FIGN: variants seen among roughly 807,000 people sequenced by gnomAD.
The protein encoded by FIGN is fidgetin.
Under a neutral mutation model 51.3 loss-of-function variants are expected in FIGN, and 11 were observed. The observed-to-expected ratio is 0.21, with a 90% CI of 0.13 to 0.35. The LOEUF (loss-of-function observed/expected upper bound fraction) is 0.35, where lower values mean the gene tolerates loss of function less well. FIGN is among the 10% of genes least tolerant of loss of function. FIGN has a pLI of 1.00. For synonymous variants in FIGN, 407 were observed against 363.2 expected, an observed-to-expected ratio of 1.12 and a Z score of -1.37; for missense variants, 857 against 943.6, an observed-to-expected ratio of 0.91 and a Z score of 1.20.
chr2:163,706,968 C>A (rs961792300), intron 2 of FIGN, among the ~76,000 whole-genome samples: 1 of 152,182 alleles, frequency 6.6e-6, no homozygotes, highest in Non-Finnish European at 1.5e-5. Context: ...TCAGTTACAT[C>A]TGGAAGGAGA....
At chr2:163,695,109 T>C (rs1002060209) in intron 2 of FIGN, among the ~76,000 whole-genome samples, 1 of 152,234 alleles carries the variant, frequency 6.6e-6, no homozygotes, top group African/African-American at 2.4e-5. Context: ...ATTTTCAGAA[T>C]GTCCAAACTT....
intron 2 of FIGN, among the ~76,000 whole-genome samples, chr2:163,676,167 T>C (rs997253882): frequency 2.0e-5 from 3 of 151,682 alleles, no homozygotes; most frequent in Non-Finnish European, 4.4e-5. Context: ...ATTCCTTTTT[T>C]TGCTTAAATT....
chr2:163,683,352 C>T (rs1259919897), intron 2 of FIGN, among the ~76,000 whole-genome samples: 2 of 152,090 alleles, frequency 1.3e-5, no homozygotes, highest in Admixed American at 1.3e-4. Flanking sequence ...AGTGAAATGA[C>T]AAAATTGTTG....
intron 2 of FIGN, among the ~76,000 whole-genome samples, chr2:163,624,008 G>A (rs536445737): frequency 1.7e-4 from 26 of 152,008 alleles, no homozygotes; most frequent in African/African-American, 5.8e-4. Flanking sequence ...TCACTTAAAG[G>A]CTTTTTACAT....
intron 2 of FIGN, among the ~76,000 whole-genome samples, chr2:163,701,290 G>A (rs1684403858): frequency 6.6e-6 from 1 of 152,112 alleles, no homozygotes; most frequent in Admixed American, 6.6e-5. Flanking sequence ...GAAAGTAATG[G>A]ATATAAAGGT....
chr2:163,725,482 T>A (rs1396315764), intron 2 of FIGN, among the ~76,000 whole-genome samples: 1 of 152,054 alleles, frequency 6.6e-6, no homozygotes, highest in African/African-American at 2.4e-5. Context: ...TGCATTCCAA[T>A]CATATATCAG....
intron 2 of FIGN, among the ~76,000 whole-genome samples, chr2:163,653,890 G>GA (rs1233180189): frequency 1.3e-5 from 2 of 152,018 alleles, no homozygotes; most frequent in African/African-American, 4.8e-5. Context: ...AAAAATAACA[G>GA]AAAAGCAATA....
intron 2 of FIGN, among the ~76,000 whole-genome samples, chr2:163,684,493 C>A (rs902717802): frequency 6.6e-6 from 1 of 152,196 alleles, no homozygotes; most frequent in Non-Finnish European, 1.5e-5. Flanking sequence ...TCAGGTAACA[C>A]GTCCAAGTCC....
At chr2:163,673,113 A>T (rs187418335) in intron 2 of FIGN, among the ~76,000 whole-genome samples, 1 of 152,212 alleles carries the variant, frequency 6.6e-6, no homozygotes, top group Non-Finnish European at 1.5e-5. Context: ...ATAAAAAGAC[A>T]TCCCTTATTT....
chr2:163,662,102 A>T (rs1040790069), intron 2 of FIGN, among the ~76,000 whole-genome samples: 1 of 152,124 alleles, frequency 6.6e-6, no homozygotes, highest in Non-Finnish European at 1.5e-5. Context: ...TTTCTTAGAG[A>T]CTTGTTGAAT....
At chr2:163,703,386 T>G (rs1573960798) in intron 2 of FIGN, among the ~76,000 whole-genome samples, 1 of 152,232 alleles carries the variant, frequency 6.6e-6, no homozygotes, top group South Asian at 2.1e-4. Context: ...AATGGTTACT[T>G]TAAAAGGAAG....
chr2:163,634,688 T>C (rs1266846644), intron 2 of FIGN, among the ~76,000 whole-genome samples: 1 of 152,228 alleles, frequency 6.6e-6, no homozygotes, highest in Admixed American at 6.5e-5. Context: ...ACATGAATCC[T>C]CTATAGCATA....
intron 2 of FIGN, among the ~76,000 whole-genome samples, chr2:163,612,142 A>C (rs2105300062): frequency 6.6e-6 from 1 of 152,338 alleles, no homozygotes; most frequent in Admixed American, 6.5e-5. Flanking sequence ...ATATATGTAC[A>C]CACACATTCC....
At chr2:163,723,475 G>C (rs947644640) in intron 2 of FIGN, among the ~76,000 whole-genome samples, 5 of 152,198 alleles carry the variant, frequency 3.3e-5, no homozygotes, top group Admixed American at 2.6e-4. Context: ...TGTTCTAAGG[G>C]ACAATTAAGT....
chr2:163,686,529 T>C (rs747581905), intron 2 of FIGN, among the ~76,000 whole-genome samples: 3 of 152,012 alleles, frequency 2.0e-5, no homozygotes, highest in Non-Finnish European at 2.9e-5. Flanking sequence ...GGTAAAGAAG[T>C]GAGAAGTGTG....
intron 2 of FIGN, among the ~76,000 whole-genome samples, chr2:163,725,724 TAAA>T (rs1244643530): frequency 1.3e-5 from 2 of 151,942 alleles, no homozygotes; most frequent in African/African-American, 4.8e-5. Flanking sequence ...AGACAAAAAT[TAAA>T]AAAGTAAACA....
chr2:163,624,099 A>T (rs752234064), intron 2 of FIGN, among the ~76,000 whole-genome samples: 2 of 152,076 alleles, frequency 1.3e-5, no homozygotes, highest in Admixed American at 1.3e-4. Flanking sequence ...ACAGCTAAAT[A>T]ACACACCTTT....
Position 163,610,770 on chromosome 2 carries a change from G to A in FIGN, c.1062C>T (p.Asn354=), listed in dbSNP as rs966512733. 1 of 1,614,174 alleles carries A rather than the reference G, an allele frequency of 6.2e-7. No homozygotes were observed. Among genetic ancestry groups the A allele is most frequent in the Non-Finnish European group, 8.5e-7 (1 of 1,180,024 alleles). ...TCCCCCGATTTGTGTTTGAAATGCT[G>A]TTGTCGGGCATTCTGTACATAGGAC... The part of the protein sequence containing the change: ...TQSPMYRMPD[N]SISNTNRGNG... Residue 354 remains asparagine (N), a synonymous_variant, in exon 3 of 3, where the codon AAC becomes AAT. Coordinates refer to ENST00000333129, the MANE Select transcript of FIGN (RefSeq NM_018086.4).
intron 2 of FIGN, among the ~76,000 whole-genome samples, chr2:163,645,194 A>T (rs184607589): frequency 1.3e-3 from 195 of 152,318 alleles, no homozygotes; most frequent in Non-Finnish European, 2.3e-3. Context: ...AGACAGATGG[A>T]ACACTATATG....
Sources: allele counts gnomAD v4.1 joint callset (sites outside exome capture counted in the v4.1 genomes callset), GRCh38; gene constraint gnomAD v4.1.1; transcripts MANE v1.5; gene names NCBI Gene and HGNC (gene_info 2026-07-23, HGNC 2026-07-21).